Variants in LYPLA2 observed in about 807,000 individuals in gnomAD.
LYPLA2 encodes the protein acyl-protein thioesterase 2.
LYPLA2 carries 7 observed loss-of-function variants against 30.3 expected under a neutral mutation model. That is an observed-to-expected ratio of 0.23 (90% CI 0.13 to 0.43). The LOEUF is 0.43. Among genes scored for constraint, LYPLA2 ranks in the 20% least tolerant of loss-of-function variants. The pLI, the probability that LYPLA2 is intolerant of heterozygous loss-of-function variation, is 1.00. For missense variants in LYPLA2, 206 were observed against 307.9 expected (o/e 0.67, Z 2.48); for synonymous variants, 112 against 118.2 (o/e 0.95, Z 0.34).
In LYPLA2 at chr1:23,794,589, T is replaced by A; in HGVS notation, c.634T>A (p.Ser212Thr). The change falls in exon 9 of 10, where the codon TCC (serine) becomes ACC (threonine). Residue 212 changes from serine to threonine, a missense_variant. By Grantham distance (58) the Ser-to-Thr change is moderately conservative. Coordinates refer to ENST00000374514, the MANE Select transcript of LYPLA2 (RefSeq NM_007260.3). The surrounding 1 kb of genome is among the most constrained non-coding windows in gnomAD (Gnocchi z 5.9). ...FKTYPGVMHSSCPQEMAAVKE... is the reference protein window; with the variant it reads ...FKTYPGVMHSTCPQEMAAVKE... ...GACATACCCGGGTGTCATGCACAGC[T>A]CCTGTCCTCAGGTCAGTGGGGGGAC... 6.2e-7 allele frequency: 1 copy of A among 1,614,102 alleles called. No homozygotes were observed. The highest frequency in any genetic ancestry group is 8.5e-7 in the Non-Finnish European group (1 of 1,179,990).
Position 23,793,051 on chromosome 1 carries a change from A to AG in LYPLA2, c.110+14dup. 6.2e-7 allele frequency: 1 copy of AG among 1,613,486 alleles called. No homozygotes were observed. ...CTTGGAGACACAGGGTAAGTGACTGAGGAGGGGTGCTCCTTAAGGAGGGGT... is the reference window on the plus strand; with the variant it reads ...CTTGGAGACACAGGGTAAGTGACTGAGGGAGGGGTGCTCCTTAAGGAGGGGT... On this transcript the variant is annotated intron_variant, in intron 3 of 9. Transcript: ENST00000374514. This position sits in a 1 kb window ranked among gnomAD's most constrained non-coding sequence, Gnocchi z 6.0.
chr1:23,793,812 G>A lies in LYPLA2; in HGVS notation c.225-48G>A. 1 of 1,611,924 alleles carries A rather than the reference G, an allele frequency of 6.2e-7. No individual in the cohort carries two copies. The highest frequency in any genetic ancestry group is 1.1e-5 in the South Asian group (1 of 91,046). Reference sequence around the variant, plus strand: ...GGACACTTGGGCTGAGGGAGCCACAGGGGGCTGGCTGGGGTTTTCTATAGC... The same window carrying A: ...GGACACTTGGGCTGAGGGAGCCACAAGGGGCTGGCTGGGGTTTTCTATAGC... On this transcript the variant is annotated intron_variant, in intron 5 of 9. Coordinates refer to ENST00000374514, the MANE Select transcript of LYPLA2 (RefSeq NM_007260.3). This position sits in a 1 kb window ranked among gnomAD's most constrained non-coding sequence, Gnocchi z 6.0.
In LYPLA2 at chr1:23,793,137, C is replaced by T. The variant is rs2232982; in HGVS notation, c.111-14C>T. The T allele has an allele frequency of 0.024, 38,544 of 1,613,892 alleles. 564 individuals are homozygous for T. Among genetic ancestry groups the T allele is most frequent in the Middle Eastern group, 0.045 (271 of 6,056 alleles). ...CCTACCACATCGGAGCCTTTTCTCC[C>T]GTCCCTCCTACAGGCACAGCTGGGC... On this transcript the variant is annotated splice_polypyrimidine_tract_variant and intron_variant, in intron 3 of 9. Coordinates refer to ENST00000374514, the MANE Select transcript of LYPLA2 (RefSeq NM_007260.3). The surrounding 1 kb of genome is among the most constrained non-coding windows in gnomAD (Gnocchi z 6.0).
intron 1 of LYPLA2, among the ~76,000 whole-genome samples, chr1:23,791,503 G>A (rs1638793029): frequency 6.6e-6 from 1 of 152,084 alleles, no homozygotes; most frequent in Admixed American, 6.5e-5. Context: ...CAGAGTCAAA[G>A]GTACAAAGCT....
Position 23,794,492 on chromosome 1 carries a change from G to T in LYPLA2, c.537G>T (p.Val179=). ...GCCATGGGGAGCTGGACCCCATGGT[G>T]CCCGTACGGTTTGGGGCCCTGACGG... ...LQCHGELDPM[V]PVRFGALTAE... is the part of the protein sequence containing the mutation. Residue 179 remains valine, a synonymous_variant, in exon 9 of 10, where the codon GTG becomes GTT. Coordinates refer to ENST00000374514, the MANE Select transcript of LYPLA2 (RefSeq NM_007260.3). The surrounding 1 kb of genome is among the most constrained non-coding windows in gnomAD (Gnocchi z 5.9). 1 of 1,614,104 alleles carries T rather than the reference G, an allele frequency of 6.2e-7. No individual in the cohort carries two copies. The highest frequency in any genetic ancestry group is 8.5e-7 in the Non-Finnish European group (1 of 1,179,988).
chr1:23,794,271 G>T lies in LYPLA2; in HGVS notation c.417G>T (p.Leu139=), dbSNP rs766979648. 1 of 1,612,298 alleles carries T rather than the reference G, an allele frequency of 6.2e-7. No individual in the cohort carries two copies. Among genetic ancestry groups the T allele is most frequent in the Non-Finnish European group, 8.5e-7 (1 of 1,179,920 alleles). The change falls in exon 8 of 10, where the codon CTG becomes CTT. Residue 139 remains leucine, a synonymous_variant. Coordinates refer to ENST00000374514, the MANE Select transcript of LYPLA2 (RefSeq NM_007260.3). This position sits in a 1 kb window ranked among gnomAD's most constrained non-coding sequence, Gnocchi z 5.9. ...LYTALTCPHP[L]AGIVALSCWL... is the part of the protein sequence containing the mutation. ...CGGCCCTCACCTGCCCCCACCCTCTGGCTGGCATCGTGGCGTTGAGCTGCT... is the reference window on the plus strand; with the variant it reads ...CGGCCCTCACCTGCCCCCACCCTCTTGCTGGCATCGTGGCGTTGAGCTGCT...
Position 23,795,390 on chromosome 1 carries a change from C to T in LYPLA2, c.*658C>T, listed in dbSNP as rs912379603. On this transcript the variant is annotated 3_prime_UTR_variant, in exon 10 of 10. Transcript: ENST00000374514. ...GCTGGACTGAGGTTCAGGTCTCCCC[C>T]CAGCTGTCTCACCCCCACTTTGTCC... is the stretch of plus-strand genomic sequence containing the variant. The T allele has an allele frequency of 9.8e-6, 2 of 204,444 alleles. No homozygotes were observed. The highest frequency in any genetic ancestry group is 2.0e-5 in the Non-Finnish European group (2 of 99,200). 12.7% of individuals were successfully genotyped at this position (204,444 alleles called of 1,614,324 possible).
At position 23,794,210 on chromosome 1, in the gene LYPLA2, T is replaced by C; in HGVS notation, c.370-14T>C. On this transcript the variant is annotated splice_polypyrimidine_tract_variant and intron_variant, in intron 7 of 9. Transcript: ENST00000374514. This position sits in a 1 kb window ranked among gnomAD's most constrained non-coding sequence, Gnocchi z 5.9. Reference sequence around the variant, plus strand: ...GAGCTGTGCCCTCATGACCCCTCTCTCTCCTCCCTCCAGGGCGGGGCCCTG... The same window carrying C: ...GAGCTGTGCCCTCATGACCCCTCTCCCTCCTCCCTCCAGGGCGGGGCCCTG... 6.2e-7 allele frequency: 1 copy of C among 1,603,464 alleles called. No homozygotes were observed. The highest frequency in any genetic ancestry group is 8.5e-7 in the Non-Finnish European group (1 of 1,174,726).
At position 23,793,622 on chromosome 1, in the gene LYPLA2, C is replaced by G. The variant is rs953679825; in HGVS notation, c.177-83C>G. On this transcript the variant is annotated intron_variant, in intron 4 of 9. Transcript: ENST00000374514. The surrounding 1 kb of genome is among the most constrained non-coding windows in gnomAD (Gnocchi z 6.0). The stretch of plus-strand genomic sequence containing the variant: ...GCCTGCTGGGAGGGGCCACCAGGGG[C>G]GGCGCGGCCCCACTCCGGGCTCTGA... The G allele has an allele frequency of 7.1e-7, 1 of 1,409,504 alleles. No individual in the cohort carries two copies. Among genetic ancestry groups the G allele is most frequent in the African/African-American group, 1.4e-5 (1 of 70,916 alleles). 87.3% of individuals were successfully genotyped at this position (1,409,504 alleles called of 1,614,324 possible). A position where few individuals can be genotyped will look rare whatever the true frequency, so the allele number is the denominator to read the frequency against.
rs774323650 is a variant in LYPLA2, at chr1:23,794,156, G to A, written c.369+20G>A. The A allele has an allele frequency of 4.1e-6, 5 of 1,211,814 alleles. No individual in the cohort carries two copies. Among genetic ancestry groups the A allele is most frequent in the South Asian group, 1.3e-5 (1 of 78,434 alleles). 75.1% of individuals were successfully genotyped at this position (1,211,814 alleles called of 1,614,324 possible). ...TCACAGGTGAGGGGAGAGGGGTGGG[G>A]GGGTAGGGGGTAGGGGTGGCCGGTG... is the stretch of plus-strand genomic sequence containing the variant. On this transcript the variant is annotated intron_variant, in intron 7 of 9. Coordinates refer to ENST00000374514, the MANE Select transcript of LYPLA2 (RefSeq NM_007260.3). The surrounding 1 kb of genome is among the most constrained non-coding windows in gnomAD (Gnocchi z 5.9).
chr1:23,792,661 C>A lies in LYPLA2; in HGVS notation c.-22C>A, dbSNP rs1210642078. On this transcript the variant is annotated 5_prime_UTR_variant, in exon 2 of 10. Coordinates refer to ENST00000374514, the MANE Select transcript of LYPLA2 (RefSeq NM_007260.3). ...CCGCCGCCCCGATGTATGCAGGCCC[C>A]CGCCGTGGAGCCGTGTGGTGTATGT... is the stretch of plus-strand genomic sequence containing the variant. 3.7e-6 allele frequency: 6 copies of A among 1,610,068 alleles called. No homozygotes were observed. The highest frequency in any genetic ancestry group is 5.1e-6 in the Non-Finnish European group (6 of 1,178,716).
At position 23,794,968 on chromosome 1, in the gene LYPLA2, C is replaced by T. The variant is rs985735913; in HGVS notation, c.*236C>T. On this transcript the variant is annotated 3_prime_UTR_variant, in exon 10 of 10. Transcript: ENST00000374514. This position sits in a 1 kb window ranked among gnomAD's most constrained non-coding sequence, Gnocchi z 5.9. The stretch of plus-strand genomic sequence containing the variant: ...GCTTTCTTATCCATTTCCCTGGAGG[C>T]GGGCCCCCCTGGCAGCAGTATTGGA... 2.9e-5 allele frequency: 20 copies of T among 690,810 alleles called. No homozygotes were observed. Among genetic ancestry groups the T allele is most frequent in the African/African-American group, 1.1e-4 (6 of 56,948 alleles). 42.8% of individuals were successfully genotyped at this position (690,810 alleles called of 1,614,324 possible). A position where few individuals can be genotyped will look rare whatever the true frequency, so the allele number is the denominator to read the frequency against.
In LYPLA2 at chr1:23,794,227, G is replaced by A. The variant is rs775467458; in HGVS notation, c.373G>A (p.Gly125Arg). ...RIVLGGFSQG[G>R]ALSLYTALTC... Reference sequence around the variant, plus strand: ...CCCCTCTCTCTCCTCCCTCCAGGGCGGGGCCCTGTCCCTCTACACGGCCCT... The same window carrying A: ...CCCCTCTCTCTCCTCCCTCCAGGGCAGGGCCCTGTCCCTCTACACGGCCCT... The change falls in exon 8 of 10, where the codon GGG (glycine) becomes AGG (arginine). Residue 125 changes from glycine to arginine, a missense_variant. Gly to Arg is a moderately radical substitution (Grantham distance 125, BLOSUM62 -2). Transcript: ENST00000374514. This position sits in a 1 kb window ranked among gnomAD's most constrained non-coding sequence, Gnocchi z 5.9. 1.2e-6 allele frequency: 2 copies of A among 1,609,734 alleles called. No homozygotes were observed. Among genetic ancestry groups the A allele is most frequent in the Non-Finnish European group, 1.7e-6 (2 of 1,178,774 alleles).
Position 23,793,300 on chromosome 1 carries a change from T to A in LYPLA2, c.176+84T>A. 1 of 1,396,270 alleles carries A rather than the reference T, an allele frequency of 7.2e-7. No homozygotes were observed. Among genetic ancestry groups the A allele is most frequent in the Admixed American group, 1.7e-5 (1 of 57,520 alleles). The allele number at this position is 1,396,270 out of a possible 1,614,324, so 86.5% of individuals were successfully genotyped here. On this transcript the variant is annotated intron_variant, in intron 4 of 9. Coordinates refer to ENST00000374514, the MANE Select transcript of LYPLA2 (RefSeq NM_007260.3). This position sits in a 1 kb window ranked among gnomAD's most constrained non-coding sequence, Gnocchi z 6.0. ...GTCATCCCAGGCCTGTTCTCTCCTG[T>A]CAGTTGCATCCTGGGGCTTGGGCTC...
rs1638839511 is a variant in LYPLA2, at chr1:23,793,398, C to T, written c.176+182C>T. ...CAGGAGTGGGGTCCAGCACCAGCCC[C>T]CAGCCCTAGGGCCTCCTAGACCTGA... is the stretch of plus-strand genomic sequence containing the variant. On this transcript the variant is annotated intron_variant, in intron 4 of 9. Transcript: ENST00000374514. This position sits in a 1 kb window ranked among gnomAD's most constrained non-coding sequence, Gnocchi z 6.0. 6.6e-6 allele frequency among the ~76,000 whole-genome samples: 1 copy of T among 152,188 alleles called. No individual in the cohort carries two copies. The highest frequency in any genetic ancestry group is 2.4e-5 in the African/African-American group (1 of 41,450).
Position 23,795,072 on chromosome 1 carries a change from G to C in LYPLA2, c.*340G>C. 2.0e-6 allele frequency: 1 copy of C among 500,306 alleles called. No individual in the cohort carries two copies. Among genetic ancestry groups the C allele is most frequent in the South Asian group, 1.8e-5 (1 of 55,724 alleles). 31.0% of individuals were successfully genotyped at this position (500,306 alleles called of 1,614,324 possible). A position where few individuals can be genotyped will look rare whatever the true frequency, so the allele number is the denominator to read the frequency against. The stretch of plus-strand genomic sequence containing the variant: ...ACCTCACTCACTAGCCCCGCTTTGG[G>C]CCCCCTCCTGTGACCTCAGGGTTTG... On this transcript the variant is annotated 3_prime_UTR_variant, in exon 10 of 10. Coordinates refer to ENST00000374514, the MANE Select transcript of LYPLA2 (RefSeq NM_007260.3).
At position 23,794,149 on chromosome 1, in the gene LYPLA2, G is replaced by A; in HGVS notation, c.369+13G>A. ...AGGCTTTTCACAGGTGAGGGGAGAG[G>A]GGTGGGGGGGTAGGGGGTAGGGGTG... is the stretch of plus-strand genomic sequence containing the variant. On this transcript the variant is annotated intron_variant, in intron 7 of 9. Transcript: ENST00000374514. This position sits in a 1 kb window ranked among gnomAD's most constrained non-coding sequence, Gnocchi z 5.9. The A allele has an allele frequency of 1.3e-6, 2 of 1,556,184 alleles. No individual in the cohort carries two copies. The highest frequency in any genetic ancestry group is 2.3e-5 in the East Asian group (1 of 44,440).
At position 23,793,058 on chromosome 1, in the gene LYPLA2, G is replaced by A. The variant is rs762601559; in HGVS notation, c.110+19G>A. 6.2e-7 allele frequency: 1 copy of A among 1,613,556 alleles called. No homozygotes were observed. Among genetic ancestry groups the A allele is most frequent in the Non-Finnish European group, 8.5e-7 (1 of 1,179,596 alleles). ...ACACAGGGTAAGTGACTGAGGAGGG[G>A]TGCTCCTTAAGGAGGGGTCCTGGCC... On this transcript the variant is annotated intron_variant, in intron 3 of 9. Coordinates refer to ENST00000374514, the MANE Select transcript of LYPLA2 (RefSeq NM_007260.3). This position sits in a 1 kb window ranked among gnomAD's most constrained non-coding sequence, Gnocchi z 6.0.
rs1020334005 is a variant in LYPLA2 at position 23,793,120 on chromosome 1, A to G, written c.111-31A>G. On this transcript the variant is annotated intron_variant, in intron 3 of 9. Coordinates refer to ENST00000374514, the MANE Select transcript of LYPLA2 (RefSeq NM_007260.3). This position sits in a 1 kb window ranked among gnomAD's most constrained non-coding sequence, Gnocchi z 6.0. Reference sequence around the variant, plus strand: ...TGGAGAGGCCTTCTCTTCCTACCACATCGGAGCCTTTTCTCCCGTCCCTCC... The same window carrying G: ...TGGAGAGGCCTTCTCTTCCTACCACGTCGGAGCCTTTTCTCCCGTCCCTCC... The G allele has an allele frequency of 3.1e-6, 5 of 1,613,734 alleles. No homozygotes were observed. Among genetic ancestry groups the G allele is most frequent in the East Asian group, 2.2e-5 (1 of 44,896 alleles).
Sources: gnomAD v4.1 joint callset for allele counts (sites outside exome capture counted in the v4.1 genomes callset) on GRCh38, gnomAD v4.1.1 for gene constraint, Gnocchi (gnomAD v3.1) non-coding constraint, MANE v1.5 for transcripts, NCBI Gene and HGNC (gene_info 2026-07-23, HGNC 2026-07-21) for gene names.